ADD3: variants seen among roughly 807,000 people sequenced by gnomAD.
ADD3 encodes the protein gamma-adducin.
ADD3 carries 25 observed loss-of-function variants against 80.2 expected under a neutral mutation model. The ratio of observed to expected loss-of-function variants is 0.31; its 90% CI spans 0.23 to 0.44. ADD3 has a LOEUF of 0.44. Ranked by LOEUF, ADD3 falls within the 20% of genes least tolerant of loss-of-function variation. The pLI, the probability that ADD3 is intolerant of heterozygous loss-of-function variation, is 1.00. For synonymous variants in ADD3, 284 were observed against 289.6 expected (o/e 0.98, Z 0.20); for missense variants, 829 against 847.5 (o/e 0.98, Z 0.27).
rs544017966 is a variant in ADD3 at position 110,085,313 on chromosome 10, T to C, written c.-29-15312T>C. Among the ~76,000 whole-genome samples, 6 of 152,326 alleles carry C rather than the reference T, an allele frequency of 3.9e-5. No homozygotes were observed. The South Asian group carries it at 1.2e-3, about 32-fold the overall frequency. ...CTGGAGACCAGGATCTAGAGAACTT[T>C]TTCTAAAGTTCATAATTATAGTTTA... On this transcript the variant is annotated intron_variant, in intron 1 of 14. Transcript: ENST00000356080.
At chr10:110,000,227 G>GT (rs532169475) in intron 1 of ADD3, among the ~76,000 whole-genome samples, 3 of 152,194 alleles carry the variant, frequency 2.0e-5, no homozygotes, top group South Asian at 2.1e-4. Context: ...GCGTCTTAAG[G>GT]TTTTTTTAAA....
chr10:110,012,713 C>T (rs374642303), intron 1 of ADD3, among the ~76,000 whole-genome samples: 15 of 151,788 alleles, frequency 9.9e-5, no homozygotes, highest in Admixed American at 2.6e-4. Context: ...AAAGCTGAAC[C>T]GTTATTGTAC....
chr10:110,003,096 TAAC>T (rs928311532), upstream of ADD3, among the ~76,000 whole-genome samples: 1 of 152,230 alleles, frequency 6.6e-6, no homozygotes, highest in African/African-American at 2.4e-5. Flanking sequence ...ATTAAATACA[TAAC>T]ATTATGTAGT....
intron 14 of ADD3, 89 bp downstream of exon 14, chr10:110,132,489 A>G (rs897489250): frequency 5.4e-6 from 4 of 736,038 alleles, no homozygotes; most frequent in Non-Finnish European, 9.2e-6. Context: ...GAAGTTGAAT[A>G]CCTCATCACA....
chr10:110,112,610 T>G (rs1016674608), intron 2 of ADD3, among the ~76,000 whole-genome samples, 167 bp from the exon 3 acceptor site: 6 of 152,248 alleles, frequency 3.9e-5, no homozygotes, highest in African/African-American at 1.4e-4. Flanking sequence ...ATCTTGCTGC[T>G]TCTTGCAGTG....
intron 2 of ADD3, among the ~76,000 whole-genome samples, chr10:110,102,344 G>A (rs1031118777): frequency 8.5e-5 from 13 of 152,114 alleles, no homozygotes; most frequent in Admixed American, 3.9e-4. Flanking sequence ...GGTGGCTCAC[G>A]CCTGTTGTAA....
chr10:110,009,007 A>T (rs1462488977), intron 1 of ADD3, among the ~76,000 whole-genome samples: 2 of 152,190 alleles, frequency 1.3e-5, no homozygotes, highest in Non-Finnish European at 2.9e-5. Flanking sequence ...CTTAGGCAAG[A>T]CCACAGACAG....
chr10:110,033,077 A>G (rs1855243536), intron 1 of ADD3, among the ~76,000 whole-genome samples: 1 of 152,232 alleles, frequency 6.6e-6, no homozygotes, highest in Non-Finnish European at 1.5e-5. Context: ...CTCCTTTAAA[A>G]CCTGACTTTT....
Position 110,119,538 on chromosome 10 carries a change from A to G in ADD3, c.934A>G (p.Asn312Asp), listed in dbSNP as rs559948935. The G allele has an allele frequency of 3.6e-5, 58 of 1,613,966 alleles. 1 individual carries two copies. The South Asian group carries it at 5.1e-4, about 14-fold the overall frequency. Residue 312 changes from asparagine (N) to aspartate (D), a missense_variant, in exon 8 of 15, where the codon AAT becomes GAT. Asn to Asp is a conservative substitution (Grantham distance 23, BLOSUM62 1). Coordinates refer to ENST00000356080, the MANE Select transcript of ADD3 (RefSeq NM_016824.5). ...TLEEAFHYIFNVQLACEIQVQ... is the reference protein window; with the variant it reads ...TLEEAFHYIFDVQLACEIQVQ... ...AGAGGAGGCTTTTCATTATATTTTTAATGTGCAACTAGCCTGTGAGATTCA... is the reference window on the plus strand; with the variant it reads ...AGAGGAGGCTTTTCATTATATTTTTGATGTGCAACTAGCCTGTGAGATTCA...
chr10:110,105,321 C>T (rs1442426972), intron 2 of ADD3, among the ~76,000 whole-genome samples: 1 of 152,096 alleles, frequency 6.6e-6, no homozygotes, highest in East Asian at 1.9e-4. Context: ...CCCCTTTTCT[C>T]AAAACGAAGT....
chr10:110,125,714 A>G (rs1852061298), intron 10 of ADD3, 112 bp from the exon 11 acceptor site: 10 of 713,458 alleles, frequency 1.4e-5, no homozygotes, highest in Non-Finnish European at 2.2e-5. Flanking sequence ...CTGCTTAGTG[A>G]AATTATTTAA....
At chr10:110,105,587 AGACTGGTT>A (rs1365933558) in intron 2 of ADD3, among the ~76,000 whole-genome samples, 3 of 152,222 alleles carry the variant, frequency 2.0e-5, no homozygotes, top group African/African-American at 7.2e-5. Flanking sequence ...GAAGCAGTTT[AGACTGGTT>A]GACACAAATG....
intron 2 of ADD3, among the ~76,000 whole-genome samples, chr10:110,106,795 C>T (rs937280220): frequency 1.3e-5 from 2 of 151,978 alleles, no homozygotes; most frequent in Admixed American, 6.6e-5. Flanking sequence ...ATTAAGTTTT[C>T]AAGTAGGATT....
At chr10:110,082,166 T>C (rs1233697342) in intron 1 of ADD3, among the ~76,000 whole-genome samples, 5 of 152,100 alleles carry the variant, frequency 3.3e-5, no homozygotes, top group African/African-American at 1.2e-4. Context: ...CAGTGAACAA[T>C]AGGCTATTAA....
intron 1 of ADD3, among the ~76,000 whole-genome samples, chr10:110,018,667 T>C (rs1248354478): frequency 6.6e-6 from 1 of 152,156 alleles, no homozygotes; most frequent in Non-Finnish European, 1.5e-5. Context: ...CAGAAATTAC[T>C]GTCCGTGAAA....
intron 1 of ADD3, among the ~76,000 whole-genome samples, chr10:110,044,427 T>C (rs1055861746): frequency 6.6e-6 from 1 of 152,256 alleles, no homozygotes; most frequent in Non-Finnish European, 1.5e-5. Context: ...GCTTATCATA[T>C]GATTTTTGAG....
chr10:110,029,186 C>T (rs1854688837), intron 1 of ADD3, among the ~76,000 whole-genome samples: 2 of 152,084 alleles, frequency 1.3e-5, no homozygotes, highest in Non-Finnish European at 2.9e-5. Flanking sequence ...GCTCACTTTC[C>T]ATTTCTTCAA....
At chr10:110,011,326 C>T (rs189366531) in intron 1 of ADD3, among the ~76,000 whole-genome samples, 15 of 152,336 alleles carry the variant, frequency 9.8e-5, no homozygotes, top group Admixed American at 2.6e-4. Flanking sequence ...CTTTGTCATT[C>T]ACATTCCTCA....
Position 110,067,293 on chromosome 10 carries a change from A to G in ADD3, c.-29-33332A>G, listed in dbSNP as rs567564651. ...CCTGGAAGAAAGCCTTTCTAAAATT[A>G]TTTCTGTAGTTTCTAGCCACATGAT... On this transcript the variant is annotated intron_variant, in intron 1 of 14. Coordinates refer to ENST00000356080, the MANE Select transcript of ADD3 (RefSeq NM_016824.5). Among the ~76,000 whole-genome samples the G allele has an allele frequency of 1.2e-3, 183 of 152,320 alleles. 2 individuals carry two copies. In the South Asian group the frequency reaches 0.018, roughly 15 times the overall value.
Sources: gnomAD v4.1 joint callset for allele counts (sites outside exome capture counted in the v4.1 genomes callset) on GRCh38, gnomAD v4.1.1 for gene constraint, MANE v1.5 for transcripts, NCBI Gene and HGNC (gene_info 2026-07-23, HGNC 2026-07-21) for gene names.